ROBO1: variants seen among roughly 807,000 people sequenced by gnomAD.
ROBO1 encodes the protein roundabout guidance receptor 1, also known as roundabout homolog 1.
A neutral mutation model predicts 195.9 loss-of-function variants in ROBO1; 149 were observed. That is an observed-to-expected ratio of 0.76 (90% CI 0.67 to 0.87). ROBO1 has a LOEUF of 0.87. ROBO1 is among the 40% of genes least tolerant of loss of function. The pLI is 0.00. For synonymous variants in ROBO1, 816 were observed against 733.2 expected, an observed-to-expected ratio of 1.11 and a Z score of -1.82; for missense variants, 1,933 against 2,068.3, an observed-to-expected ratio of 0.93 and a Z score of 1.27.
At chr3:78,943,112 A>T (rs970865226) in intron 3 of ROBO1, among the ~76,000 whole-genome samples, 4 of 151,942 alleles carry the variant, frequency 2.6e-5, no homozygotes, top group Non-Finnish European at 4.4e-5. Flanking sequence ...GCTACTCGAG[A>T]GGCTGAGGCA....
intron 29 of ROBO1, among the ~76,000 whole-genome samples, chr3:78,604,229 C>A (rs978109955): frequency 6.6e-6 from 1 of 152,018 alleles, no homozygotes; most frequent in Non-Finnish European, 1.5e-5. Context: ...CACAACCACA[C>A]CCAGCTAATT....
intron 3 of ROBO1, among the ~76,000 whole-genome samples, chr3:79,006,325 C>T (rs1269132738): frequency 6.6e-6 from 1 of 151,928 alleles, no homozygotes; most frequent in Non-Finnish European, 1.5e-5. Context: ...AGTAACCATA[C>T]AAAGAAGAGG....
chr3:79,119,998 C>T (rs2108558099), intron 3 of ROBO1, among the ~76,000 whole-genome samples: 1 of 152,246 alleles, frequency 6.6e-6, no homozygotes, highest in African/African-American at 2.4e-5. Context: ...TCTCAAACTC[C>T]TGACCCAATG....
At chr3:79,149,001 T>C (rs2080711149) in intron 2 of ROBO1, among the ~76,000 whole-genome samples, 1 of 151,908 alleles carries the variant, frequency 6.6e-6, no homozygotes, top group African/African-American at 2.4e-5. Flanking sequence ...AATTGGGACT[T>C]AACACTTGTT....
chr3:79,570,516 G>T (rs1240754032), intron 2 of ROBO1, among the ~76,000 whole-genome samples: 1 of 152,122 alleles, frequency 6.6e-6, no homozygotes, highest in African/African-American at 2.4e-5. Flanking sequence ...GAAGAGATCA[G>T]AGTAGTTGTG....
chr3:79,231,932 G>C (rs985627995), intron 2 of ROBO1, among the ~76,000 whole-genome samples: 2 of 152,056 alleles, frequency 1.3e-5, no homozygotes, highest in Non-Finnish European at 1.5e-5. Context: ...GATGGAACTG[G>C]GGGCCATTAT....
intron 4 of ROBO1, among the ~76,000 whole-genome samples, chr3:78,788,719 C>G (rs1220014454): frequency 1.3e-5 from 2 of 151,930 alleles, no homozygotes; most frequent in Admixed American, 1.3e-4. Context: ...AAATCCCTAG[C>G]ACATTTAGGT....
At chr3:79,580,412 G>T (rs1335900761) in intron 2 of ROBO1, among the ~76,000 whole-genome samples, 1 of 151,418 alleles carries the variant, frequency 6.6e-6, no homozygotes, top group Non-Finnish European at 1.5e-5. Flanking sequence ...AGCCCAGGAG[G>T]CAAAGGTTGC....
chr3:79,332,884 A>G (rs1248798834), intron 2 of ROBO1, among the ~76,000 whole-genome samples: 2 of 152,196 alleles, frequency 1.3e-5, no homozygotes, highest in Non-Finnish European at 2.9e-5. Context: ...TAGTGAAAGA[A>G]GTCAGAAAAT....
chr3:79,343,072 G>A (rs995034540), intron 2 of ROBO1, among the ~76,000 whole-genome samples: 4 of 151,906 alleles, frequency 2.6e-5, no homozygotes, highest in South Asian at 2.1e-4. Context: ...TGCCTTTTTC[G>A]GAATGTCATA....
At chr3:78,998,069 T>C (rs552044782) in intron 3 of ROBO1, among the ~76,000 whole-genome samples, 118 of 152,302 alleles carry the variant, frequency 7.7e-4, no homozygotes, top group Non-Finnish European at 1.4e-3. Context: ...GCTCAGTAAA[T>C]ATTTGTGGAA....
At chr3:79,285,483 A>G (rs2031830159) in intron 2 of ROBO1, among the ~76,000 whole-genome samples, 1 of 152,236 alleles carries the variant, frequency 6.6e-6, no homozygotes, top group Non-Finnish European at 1.5e-5. Flanking sequence ...GCCTACAATT[A>G]GCAATGCAAA....
chr3:78,904,566 C>T (rs1010015302), intron 4 of ROBO1, among the ~76,000 whole-genome samples: 6 of 151,724 alleles, frequency 4.0e-5, no homozygotes, highest in African/African-American at 7.3e-5. Flanking sequence ...ATAAATAAGC[C>T]GCAAAAGTAG....
intron 2 of ROBO1, among the ~76,000 whole-genome samples, chr3:79,172,486 A>G (rs948177307): frequency 6.6e-6 from 1 of 152,192 alleles, no homozygotes; most frequent in African/African-American, 2.4e-5. Context: ...GGAAGAGCAC[A>G]CTTCACAGGG....
At chr3:79,366,720 C>T (rs1024710572) in intron 2 of ROBO1, among the ~76,000 whole-genome samples, 2 of 152,172 alleles carry the variant, frequency 1.3e-5, no homozygotes, top group African/African-American at 4.8e-5. Context: ...TCCAGGGTCA[C>T]ATTTGCCAAT....
At chr3:79,748,073 A>G (rs1306952032) in intron 1 of ROBO1, among the ~76,000 whole-genome samples, 1 of 152,108 alleles carries the variant, frequency 6.6e-6, no homozygotes, top group Non-Finnish European at 1.5e-5. Context: ...ATTTTGTTAG[A>G]TTAAAGTATA....
intron 1 of ROBO1, among the ~76,000 whole-genome samples, chr3:79,660,514 T>C (rs767003763): frequency 3.9e-5 from 6 of 152,078 alleles, no homozygotes; most frequent in Non-Finnish European, 7.4e-5. Context: ...GTAGAAGTCA[T>C]GATATCCAAA....
chr3:79,073,010 T>G (rs2079114262), intron 3 of ROBO1, among the ~76,000 whole-genome samples: 1 of 152,008 alleles, frequency 6.6e-6, no homozygotes, highest in South Asian at 2.1e-4. Flanking sequence ...GTCTGACAAC[T>G]GATTAGATAA....
At chr3:79,380,994 G>T (rs2036547993) in intron 2 of ROBO1, among the ~76,000 whole-genome samples, 1 of 152,170 alleles carries the variant, frequency 6.6e-6, no homozygotes, top group Admixed American at 6.5e-5. Flanking sequence ...ACATATGAGT[G>T]AGTCCAGCTG....
Sources: gnomAD v4.1 joint callset for allele counts (sites outside exome capture counted in the v4.1 genomes callset) on GRCh38, gnomAD v4.1.1 for gene constraint, MANE v1.5 for transcripts, NCBI Gene and HGNC (gene_info 2026-07-23, HGNC 2026-07-21) for gene names.